VSIG10: variants seen among roughly 807,000 people sequenced by gnomAD.
The protein encoded by VSIG10 is V-set and immunoglobulin domain containing 10.
VSIG10 carries 48 observed loss-of-function variants against 58.7 expected under a neutral mutation model. The observed-to-expected ratio is 0.82, with a 90% CI of 0.65 to 1.04. The LOEUF (loss-of-function observed/expected upper bound fraction) is 1.04. Ranked by LOEUF, VSIG10 falls within the 50% of genes least tolerant of loss-of-function variation. VSIG10 has a pLI of 0.00. For synonymous variants in VSIG10, 260 were observed against 267.1 expected (o/e 0.97, Z 0.26); for missense variants, 628 against 670.0 (o/e 0.94, Z 0.69).
chr12:118,082,037 AAG>A, intron 3 of VSIG10, 88 bp downstream of exon 3: 3 of 1,299,136 alleles, frequency 2.3e-6, no homozygotes, highest in Admixed American at 2.9e-5. Flanking sequence ...AAAAAAAAAA[AAG>A]ACAAATGGGA....
At chr12:118,087,861 G>GAGAA (rs2033175618) in intron 2 of VSIG10, among the ~76,000 whole-genome samples, 2 of 76,620 alleles carry the variant, frequency 2.6e-5, no homozygotes, top group African/African-American at 3.7e-5. Flanking sequence ...AAAAAAGAGA[G>GAGAA]AGAAGGAGGT....
intron 2 of VSIG10, among the ~76,000 whole-genome samples, chr12:118,086,415 C>A (rs2033128539): frequency 6.6e-6 from 1 of 152,008 alleles, no homozygotes; most frequent in African/African-American, 2.4e-5. Context: ...CTGCCATGAG[C>A]CGAGATCATG....
intron 2 of VSIG10, among the ~76,000 whole-genome samples, chr12:118,093,715 C>T (rs1302582867): frequency 6.6e-6 from 1 of 151,844 alleles, no homozygotes; most frequent in African/African-American, 2.4e-5. Flanking sequence ...TCAAGACCAG[C>T]CTGAGCAACA....
chr12:118,073,226 T>C lies in VSIG10; in HGVS notation c.1219+473A>G, dbSNP rs150207041. On this transcript the variant is annotated intron_variant, in intron 5 of 8. Coordinates refer to ENST00000359236, the MANE Select transcript of VSIG10 (RefSeq NM_019086.6). Reference sequence around the variant, plus strand: ...TTTTAGTAAAGACGAGGTTTCACCATACTAGCCAGGCTGGTCTCAAACTCC... The same window carrying C: ...TTTTAGTAAAGACGAGGTTTCACCACACTAGCCAGGCTGGTCTCAAACTCC... 2.6e-3 allele frequency among the ~76,000 whole-genome samples: 395 copies of C among 152,298 alleles called. 2 individuals are homozygous for C. Among genetic ancestry groups the C allele is most frequent in the African/African-American group, 8.3e-3 (345 of 41,574 alleles).
At chr12:118,093,703 G>A (rs544103279) in intron 2 of VSIG10, among the ~76,000 whole-genome samples, 62 of 152,136 alleles carry the variant, frequency 4.1e-4, no homozygotes, top group African/African-American at 1.4e-3. Context: ...GAGGTCAGGA[G>A]TTCAAGACCA....
intron 1 of VSIG10, among the ~76,000 whole-genome samples, chr12:118,096,515 T>C (rs1466771316): frequency 2.0e-5 from 3 of 148,298 alleles, no homozygotes; most frequent in Admixed American, 1.3e-4. Flanking sequence ...GAAGCAGAGG[T>C]TGCGCTGAGC....
intron 5 of VSIG10, 77 bp downstream of exon 5, chr12:118,073,622 C>A: frequency 6.7e-7 from 1 of 1,491,832 alleles, no homozygotes; most frequent in Non-Finnish European, 9.0e-7. Flanking sequence ...AGGGAGGCAC[C>A]AGGCTGTCCT....
At position 118,066,668 on chromosome 12, in the gene VSIG10, T is replaced by C. The variant is rs576551409; in HGVS notation, c.1594A>G (p.Ile532Val). 14 of 1,612,696 alleles carry C rather than the reference T, an allele frequency of 8.7e-6. No individual in the cohort carries two copies. Among genetic ancestry groups the C allele is most frequent in the South Asian group, 2.2e-5 (2 of 90,944 alleles). The change falls in exon 9 of 9, where the codon ATT becomes GTT. Residue 532 changes from isoleucine to valine, a missense_variant. Transcript: ENST00000359236. ...QDDSSEEQSD[I>V]VQEEDRPV ...ACTGGCCTGTCTTCTTCTTGAACAA[T>C]GTCACTTTGCTCCTCACTGCTGTCA...
chr12:118,097,766 A>G (rs1182832268), intron 1 of VSIG10, among the ~76,000 whole-genome samples: 7 of 151,834 alleles, frequency 4.6e-5, no homozygotes, highest in Non-Finnish European at 1.0e-4. Flanking sequence ...TACTAAAAAT[A>G]CAAAAACTTA....
At chr12:118,097,044 AAAAC>A (rs557482784) in intron 1 of VSIG10, among the ~76,000 whole-genome samples, 140 of 152,218 alleles carry the variant, frequency 9.2e-4, no homozygotes, top group African/African-American at 2.1e-3. Context: ...GTCTAAAAAC[AAAAC>A]AAACAAACAA....
intron 2 of VSIG10, among the ~76,000 whole-genome samples, chr12:118,093,229 G>A (rs939967662): frequency 6.6e-6 from 1 of 151,652 alleles, no homozygotes. Context: ...AACCCGGGAG[G>A]TGGAGCTTGC....
chr12:118,066,728 A>G, intron 8 of VSIG10, 34 bp from the exon 9 acceptor site: 4 of 1,556,472 alleles, frequency 2.6e-6, no homozygotes, highest in Non-Finnish European at 3.5e-6. Context: ...ATGCTTTGTA[A>G]TCAGAGTGTG....
At position 118,073,823 on chromosome 12, in the gene VSIG10, C is replaced by G. The variant is rs550077645; in HGVS notation, c.1095G>C (p.Gln365His). 1.2e-6 allele frequency: 2 copies of G among 1,613,944 alleles called. No homozygotes were observed. Among genetic ancestry groups the G allele is most frequent in the East Asian group, 2.2e-5 (1 of 44,870 alleles). The change falls in exon 5 of 9, where the codon CAG becomes CAC. Residue 365 changes from glutamine (Q) to histidine (H), a missense_variant. Coordinates refer to ENST00000359236, the MANE Select transcript of VSIG10 (RefSeq NM_019086.6). ...TAGTGAGGGTGGAGTTCTGGCCATC[C>G]TGGGTAATGAGATGGCGGCTGCTAG... is the stretch of plus-strand genomic sequence containing the variant. ...IQPSSRHLIT[Q>H]DGQNSTLTIH... is the part of the protein sequence containing the mutation.
rs2033676659 is a variant in VSIG10, at chr12:118,103,605, A to G, written c.67T>C (p.Trp23Arg). The change falls in exon 1 of 9, where the codon TGG becomes CGG. Residue 23 changes from tryptophan to arginine, a missense_variant. Transcript: ENST00000359236. ...CGCGGCCCCTTACCTACGGCGACCCAGCCGGCCAGGAGCGCCCCGAGGCAG... is the reference window on the plus strand; with the variant it reads ...CGCGGCCCCTTACCTACGGCGACCCGGCCGGCCAGGAGCGCCCCGAGGCAG... ...LVCLGALLAGWVAVGLEAVVI... is the reference protein window; with the variant it reads ...LVCLGALLAGRVAVGLEAVVI... 4 of 1,521,754 alleles carry G rather than the reference A, an allele frequency of 2.6e-6. No individual in the cohort carries two copies. Among genetic ancestry groups the G allele is most frequent in the Non-Finnish European group, 1.8e-6 (2 of 1,140,566 alleles). 94.3% of individuals were successfully genotyped at this position (1,521,754 alleles called of 1,614,324 possible).
Position 118,066,416 on chromosome 12 carries a change from C to CTTTTAAACATCAT in VSIG10, c.*210_*222dup, listed in dbSNP as rs1342689086. The CTTTTAAACATCAT allele has an allele frequency of 4.1e-5, 24 of 579,160 alleles. No homozygotes were observed. Among genetic ancestry groups the CTTTTAAACATCAT allele is most frequent in the Admixed American group, 1.5e-4 (5 of 33,296 alleles). 35.9% of individuals were successfully genotyped at this position (579,160 alleles called of 1,614,324 possible). A position where few individuals can be genotyped will look rare whatever the true frequency, so the allele number is the denominator to read the frequency against. On this transcript the variant is annotated 3_prime_UTR_variant, in exon 9 of 9. Transcript: ENST00000359236. ...ACCAAAGCAGCTTTCCTTCTCAAAGCTTTTAAACATCATTGGGAAAACTTA... is the reference window on the plus strand; with the variant it reads ...ACCAAAGCAGCTTTCCTTCTCAAAGCTTTTAAACATCATTTTTAAACATCATTGGGAAAACTTA...
intron 2 of VSIG10, among the ~76,000 whole-genome samples, chr12:118,086,505 C>T (rs1178545172): frequency 6.6e-6 from 1 of 152,088 alleles, no homozygotes; most frequent in Non-Finnish European, 1.5e-5. Flanking sequence ...GACACCTTCC[C>T]TATCTGACCA....
intron 2 of VSIG10, among the ~76,000 whole-genome samples, chr12:118,084,966 C>T (rs887624874): frequency 7.2e-5 from 11 of 152,276 alleles, no homozygotes; most frequent in Admixed American, 2.0e-4. Flanking sequence ...TTGCAGTGAG[C>T]CGAGATCGCG....
chr12:118,071,386 G>A lies in VSIG10; in HGVS notation c.1303C>T (p.His435Tyr), dbSNP rs7307331. Residue 435 changes from histidine (H) to tyrosine (Y), a missense_variant, in exon 6 of 9, where the codon CAT becomes TAT. Coordinates refer to ENST00000359236, the MANE Select transcript of VSIG10 (RefSeq NM_019086.6). ...GLAIISGLLL[H>Y]YSPVFCWKVG... ...TTCCAGCAGAACACAGGGCTATAAT[G>A]CAACAGAAGCCCTGAGATAATGGCC... 0.33 allele frequency: 533,203 copies of A among 1,612,800 alleles called. 99,821 individuals carry two copies. Among genetic ancestry groups the A allele is most frequent in the East Asian group, 0.76 (33,878 of 44,830 alleles).
intron 1 of VSIG10, chr12:118,103,320 C>G (rs1027442110): frequency 2.8e-5 from 10 of 354,784 alleles, no homozygotes; most frequent in Non-Finnish European, 4.5e-5. Flanking sequence ...ACTTTGCCCC[C>G]GCACGTCGGC....
Sources: gnomAD v4.1 joint callset for allele counts (sites outside exome capture counted in the v4.1 genomes callset) on GRCh38, gnomAD v4.1.1 for gene constraint, MANE v1.5 for transcripts, NCBI Gene and HGNC (gene_info 2026-07-23, HGNC 2026-07-21) for gene names.